Variants in HMCN2 observed in about 807,000 individuals in gnomAD.
HMCN2 encodes hemicentin-2.
Under a neutral mutation model 377.5 loss-of-function variants are expected in HMCN2, and 325 were observed. That is an observed-to-expected ratio of 0.86 (90% CI 0.79 to 0.94). The LOEUF (loss-of-function observed/expected upper bound fraction) is 0.94, where lower values mean the gene tolerates loss of function less well. HMCN2 is among the 40% of genes least tolerant of loss of function. The pLI is 0.00. For synonymous variants in HMCN2, 2,007 were observed against 2,046.8 expected (o/e 0.98, Z 0.53); for missense variants, 4,543 against 4,725.3 (o/e 0.96, Z 1.13).
intron 43 of HMCN2, among the ~76,000 whole-genome samples, chr9:130,366,576 C>T (rs138987353): frequency 0.012 from 1,731 of 149,810 alleles, 19 homozygotes; most frequent in Middle Eastern, 0.056. Context: ...GCCTCAGCCT[C>T]CTGAGTAGCT....
chr9:130,431,872 C>T (rs950742204), intron 96 of HMCN2, among the ~76,000 whole-genome samples: 1 of 152,220 alleles, frequency 6.6e-6, no homozygotes, highest in African/African-American at 2.4e-5. Context: ...CACAGAGCCG[C>T]ACAGCTGCTG....
intron 12 of HMCN2, among the ~76,000 whole-genome samples, chr9:130,306,549 C>A (rs1488819111): frequency 1.3e-5 from 2 of 150,992 alleles, no homozygotes; most frequent in African/African-American, 4.9e-5. Flanking sequence ...CCCGTCCCCA[C>A]CATTCAGGCT....
rs528207977 is a variant in HMCN2 at position 130,304,273 on chromosome 9, T to G, written c.1544-457T>G. ...TTCTTGTGGCTTTTTGCTATCCAGA[T>G]AGCAGTTTGCTTAGCGCTTTCCTCC... On this transcript the variant is annotated intron_variant, in intron 10 of 97. Transcript: ENST00000683500. The surrounding 1 kb of genome is among the most constrained non-coding windows in gnomAD (Gnocchi z 4.3). Among the ~76,000 whole-genome samples, 1 of 152,350 alleles carries G rather than the reference T, an allele frequency of 6.6e-6. No individual in the cohort carries two copies. Among genetic ancestry groups the G allele is most frequent in the South Asian group, 2.1e-4 (1 of 4,830 alleles).
intron 36 of HMCN2, among the ~76,000 whole-genome samples, chr9:130,358,963 G>A (rs1259290289): frequency 2.0e-5 from 3 of 152,266 alleles, no homozygotes; most frequent in South Asian, 2.1e-4. Context: ...CGTGAGCCAC[G>A]GTGGGATTTT....
At chr9:130,429,536 G>C in intron 93 of HMCN2, 21 bp from the exon 94 acceptor site, 1 of 1,550,008 alleles carries the variant, frequency 6.5e-7, no homozygotes, top group Non-Finnish European at 8.7e-7. Flanking sequence ...CCCCACCACC[G>C]ACCATGCCCC....
intron 85 of HMCN2, among the ~76,000 whole-genome samples, chr9:130,415,706 C>G (rs1843647273): frequency 1.3e-5 from 2 of 152,216 alleles, no homozygotes; most frequent in Non-Finnish European, 2.9e-5. Context: ...CCCCTCAGGT[C>G]TCCCCTGCAC....
In HMCN2 at chr9:130,368,319, G is replaced by T; in HGVS notation, c.6669G>T (p.Ser2223=). Residue 2223 remains serine, a synonymous_variant, in exon 44 of 98, where the codon TCG becomes TCT. Transcript: ENST00000683500. ...AGGGGGCTGGCCTCCAGCACGTGTC[G>T]GCTGTGGGGAGGCTGTTGTACCTGG... ...PGEGAGLQHV[S]AVGRLLYLGQ... The T allele has an allele frequency of 1.0e-6, 1 of 985,668 alleles. No homozygotes were observed. Among genetic ancestry groups the T allele is most frequent in the Non-Finnish European group, 1.2e-6 (1 of 829,886 alleles). 61.1% of individuals were successfully genotyped at this position (985,668 alleles called of 1,614,324 possible). A position where few individuals can be genotyped will look rare whatever the true frequency, so the allele number is the denominator to read the frequency against.
intron 85 of HMCN2, among the ~76,000 whole-genome samples, chr9:130,417,994 A>T (rs141861090): frequency 6.6e-6 from 1 of 152,210 alleles, no homozygotes; most frequent in East Asian, 1.9e-4. Context: ...CATCATCCCC[A>T]TATTTCAGAT....
chr9:130,375,076 C>T (rs1321407150), intron 49 of HMCN2, among the ~76,000 whole-genome samples: 2 of 152,200 alleles, frequency 1.3e-5, no homozygotes, highest in African/African-American at 4.8e-5. Flanking sequence ...AGAAACAGAG[C>T]ATCTATCAAA....
intron 2 of HMCN2, 121 bp downstream of exon 2, chr9:130,284,794 G>A: frequency 2.3e-6 from 1 of 433,124 alleles, no homozygotes; most frequent in South Asian, 1.7e-5. Flanking sequence ...CCTCCTGGGT[G>A]AATGTGTGGC....
intron 45 of HMCN2, 88 bp from the exon 46 acceptor site, chr9:130,370,876 T>A: frequency 1.2e-6 from 1 of 819,606 alleles, no homozygotes; most frequent in South Asian, 5.6e-5. Context: ...TTGGGTGGAG[T>A]TGGGGGGCAG....
At chr9:130,417,030 G>A (rs80013765) in intron 85 of HMCN2, among the ~76,000 whole-genome samples, 25,221 of 151,606 alleles carry the variant, frequency 0.17, 2,613 homozygotes, top group East Asian at 0.4. Flanking sequence ...TCCTGTGTCA[G>A]CCTCTCAAGT....
At chr9:130,389,217 C>G (rs1042728313) in intron 62 of HMCN2, among the ~76,000 whole-genome samples, 1 of 152,182 alleles carries the variant, frequency 6.6e-6, no homozygotes, top group African/African-American at 2.4e-5. Context: ...CCCTCTCTCT[C>G]AGTAACAGCT....
At chr9:130,401,684 G>C (rs1842860575) in intron 77 of HMCN2, among the ~76,000 whole-genome samples, 1 of 152,106 alleles carries the variant, frequency 6.6e-6, no homozygotes, top group African/African-American at 2.4e-5. Context: ...GCTTTATGGA[G>C]AGTCTCCAAA....
chr9:130,329,440 T>C (rs1226619980), intron 22 of HMCN2, among the ~76,000 whole-genome samples: 4 of 14,158 alleles, frequency 2.8e-4, no homozygotes, highest in Admixed American at 9.0e-4. Flanking sequence ...ATAGCCTCAC[T>C]TTTTTTTTTT....
intron 4 of HMCN2, among the ~76,000 whole-genome samples, chr9:130,292,985 T>TCTAC (rs1835875701): frequency 1.6e-5 from 2 of 123,956 alleles, no homozygotes; most frequent in African/African-American, 5.2e-5. Flanking sequence ...TATCTATCTA[T>TCTAC]CTATCTATCT....
At chr9:130,322,323 T>TA (rs1837896599) in intron 19 of HMCN2, among the ~76,000 whole-genome samples, 1 of 46,870 alleles carries the variant, frequency 2.1e-5, no homozygotes. Context: ...CTATCTAATC[T>TA]ATCTATCTAT....
At chr9:130,382,352 C>T in intron 55 of HMCN2, 55 bp downstream of exon 55, 1 of 849,976 alleles carries the variant, frequency 1.2e-6, no homozygotes, top group South Asian at 5.4e-5. Context: ...GCCGTAAGGG[C>T]CTCCCTCAGA....
chr9:130,358,552 G>T, intron 36 of HMCN2, 66 bp downstream of exon 36: 1 of 1,294,220 alleles, frequency 7.7e-7, no homozygotes, highest in Non-Finnish European at 1.0e-6. Context: ...GGACCCTTGG[G>T]GCTGAAGTGT....
Sources: allele counts gnomAD v4.1 joint callset (sites outside exome capture counted in the v4.1 genomes callset), GRCh38; gene constraint gnomAD v4.1.1; non-coding constraint Gnocchi (gnomAD v3.1); transcripts MANE v1.5; gene names NCBI Gene and HGNC (gene_info 2026-07-23, HGNC 2026-07-21).